DZIP1L: variants seen among roughly 807,000 people sequenced by gnomAD.
The protein encoded by DZIP1L is DAZ interacting zinc finger protein 1 like.
DZIP1L carries 90 observed loss-of-function variants against 88.7 expected under a neutral mutation model. That is an observed-to-expected ratio of 1.02 (90% confidence interval 0.86 to 1.21). The LOEUF is 1.21. DZIP1L is among the 50% of genes most tolerant of loss of function. The probability of loss-of-function intolerance (pLI) is 0.00; values close to 1 mark genes in which losing one functional copy is unlikely to be tolerated. For synonymous variants in DZIP1L, 363 were observed against 372.1 expected (o/e 0.98, Z 0.28); for missense variants, 932 against 955.8 (o/e 0.98, Z 0.33).
intron 1 of DZIP1L, among the ~76,000 whole-genome samples, chr3:138,113,939 TTGAC>T: frequency 6.6e-6 from 1 of 152,362 alleles, no homozygotes. Context: ...GGGTAGGTAT[TTGAC>T]TGATGTCTCT....
Position 138,103,925 on chromosome 3 carries a change from A to C in DZIP1L, c.47T>G (p.Phe16Cys). 6.2e-7 allele frequency: 1 copy of C among 1,613,480 alleles called. No individual in the cohort carries two copies. Among genetic ancestry groups the C allele is most frequent in the Non-Finnish European group, 8.5e-7 (1 of 1,180,014 alleles). The part of the protein sequence containing the change: ...ATAEGLSGPL[F>C]GAYTFPTFKF... ...GAAGGTGGGGAACGTGTAGGCCCCA[A>C]AGAGGGGGCCACTGAGGCCCTCAGC... The change falls in exon 2 of 16, where the codon TTT becomes TGT. Residue 16 changes from phenylalanine (F) to cysteine (C), a missense_variant. Phe to Cys is a radical substitution (Grantham distance 205). Coordinates refer to ENST00000327532, the MANE Select transcript of DZIP1L (RefSeq NM_173543.3).
rs746599482 is a variant in DZIP1L at position 138,071,803 on chromosome 3, T to C, written c.1455A>G (p.Arg485=). The C allele has an allele frequency of 6.2e-7, 1 of 1,614,020 alleles. No homozygotes were observed. The highest frequency in any genetic ancestry group is 1.1e-5 in the South Asian group (1 of 91,074). Residue 485 remains arginine, a synonymous_variant, in exon 12 of 16, where the codon AGA becomes AGG. Coordinates refer to ENST00000327532, the MANE Select transcript of DZIP1L (RefSeq NM_173543.3). ...GGACTCTCAGCAGGGATTCCAGGTGTCTGAGAGTCTGAATCGAGATTCCCT... is the reference window on the plus strand; with the variant it reads ...GGACTCTCAGCAGGGATTCCAGGTGCCTGAGAGTCTGAATCGAGATTCCCT... ...DAKGISIQTL[R]HLESLLRVQR...
chr3:138,098,425 G>A (rs1944575635), intron 2 of DZIP1L, among the ~76,000 whole-genome samples: 1 of 152,174 alleles, frequency 6.6e-6, no homozygotes, highest in African/African-American at 2.4e-5. Flanking sequence ...AGGCAGAGAG[G>A]TTAGCAAATA....
intron 4 of DZIP1L, among the ~76,000 whole-genome samples, chr3:138,092,896 G>A (rs1011695559): frequency 6.6e-6 from 1 of 152,208 alleles, no homozygotes; most frequent in African/African-American, 2.4e-5. Flanking sequence ...CACATCTGCA[G>A]TGGCTTCCTC....
intron 4 of DZIP1L, among the ~76,000 whole-genome samples, chr3:138,094,229 A>T (rs1944364337): frequency 6.6e-6 from 1 of 152,256 alleles, no homozygotes; most frequent in Non-Finnish European, 1.5e-5. Context: ...AATTACCAAA[A>T]TGTGATACAT....
At chr3:138,101,832 C>T in intron 2 of DZIP1L, 1 of 1,269,320 alleles carries the variant, frequency 7.9e-7, no homozygotes, top group Non-Finnish European at 1.2e-6. Flanking sequence ...GCTGCCGCTC[C>T]ATGTCCTGCT....
chr3:138,111,378 A>T (rs1437700485), intron 1 of DZIP1L, among the ~76,000 whole-genome samples: 2 of 152,150 alleles, frequency 1.3e-5, no homozygotes, highest in African/African-American at 4.8e-5. Flanking sequence ...CCAGAGTTTA[A>T]TCCCATGGGC....
intron 12 of DZIP1L, 144 bp from the exon 13 acceptor site, chr3:138,068,511 T>C: frequency 3.5e-6 from 2 of 574,122 alleles, no homozygotes; most frequent in Non-Finnish European, 5.5e-6. Flanking sequence ...ATTTCATGAC[T>C]GTTGCCAAAT....
At chr3:138,097,181 CAA>C (rs71304267) in intron 3 of DZIP1L, among the ~76,000 whole-genome samples, 17 of 103,286 alleles carry the variant, frequency 1.6e-4, no homozygotes, top group Non-Finnish European at 1.2e-4. Context: ...GACCCTGTCT[CAA>C]AAAAAAAAAA....
chr3:138,102,802 GAGA>G, intron 2 of DZIP1L: 1 of 746,104 alleles, frequency 1.3e-6, no homozygotes, highest in Non-Finnish European at 2.5e-6. Context: ...GCCCACTCAG[GAGA>G]AGCTCAAGGA....
At chr3:138,103,418 G>C in intron 2 of DZIP1L, 53 bp downstream of exon 2, 1 of 1,543,522 alleles carries the variant, frequency 6.5e-7, no homozygotes, top group Non-Finnish European at 8.7e-7. Context: ...AGTTGCCCCA[G>C]TGGCTGGGGC....
At chr3:138,108,085 G>A (rs1275561327) in intron 1 of DZIP1L, 6 of 402,720 alleles carry the variant, frequency 1.5e-5, no homozygotes, top group South Asian at 2.0e-4. Flanking sequence ...CCAGGTTCAC[G>A]TCATTCTCCT....
Position 138,062,467 on chromosome 3 carries a change from G to A in DZIP1L, c.*349C>T, listed in dbSNP as rs1277969857. 4.9e-6 allele frequency: 1 copy of A among 205,828 alleles called. No individual in the cohort carries two copies. The highest frequency in any genetic ancestry group is 2.3e-5 in the African/African-American group (1 of 44,102). The allele number at this position is 205,828 out of a possible 1,614,324, so 12.8% of individuals were successfully genotyped here. On this transcript the variant is annotated 3_prime_UTR_variant, in exon 16 of 16. Transcript: ENST00000327532. ...ACCCCAGATAGGAACCATCTCCACA[G>A]TGTTCCTGCAGTTTTATAAAAGGCT...
chr3:138,109,234 T>A (rs1267682114), intron 1 of DZIP1L, among the ~76,000 whole-genome samples: 1 of 152,246 alleles, frequency 6.6e-6, no homozygotes, highest in African/African-American at 2.4e-5. Flanking sequence ...ATTTTATGTA[T>A]AGACACTGTT....
At chr3:138,067,813 C>T in intron 13 of DZIP1L, 113 bp from the exon 14 acceptor site, 6 of 1,253,642 alleles carry the variant, frequency 4.8e-6, no homozygotes, top group Non-Finnish European at 6.3e-6. Context: ...AGCCCTGCTC[C>T]CTCCCTCAGG....
At chr3:138,085,382 T>C (rs1256410748) in intron 7 of DZIP1L, among the ~76,000 whole-genome samples, 2 of 152,136 alleles carry the variant, frequency 1.3e-5, no homozygotes, top group Admixed American at 1.3e-4. Flanking sequence ...ATATCTGGAA[T>C]CTACAATGAA....
intron 1 of DZIP1L, chr3:138,112,214 G>C (rs956805939): frequency 6.6e-6 from 1 of 152,138 alleles, no homozygotes; most frequent in African/African-American, 2.4e-5. Context: ...GAGAAGCTAA[G>C]ATCCCTGCTC....
intron 2 of DZIP1L, among the ~76,000 whole-genome samples, chr3:138,098,603 G>A (rs976084295): frequency 2.6e-5 from 4 of 152,162 alleles, no homozygotes; most frequent in African/African-American, 9.7e-5. Flanking sequence ...GCAGACAATT[G>A]TGACAGGAAT....
At position 138,068,300 on chromosome 3, in the gene DZIP1L, G is replaced by C; in HGVS notation, c.1683C>G (p.Ala561=). 1 of 1,595,104 alleles carries C rather than the reference G, an allele frequency of 6.3e-7. No individual in the cohort carries two copies. Among genetic ancestry groups the C allele is most frequent in the Non-Finnish European group, 8.5e-7 (1 of 1,169,770 alleles). Residue 561 remains alanine (A), a synonymous_variant, in exon 13 of 16, where the codon GCC becomes GCG. Coordinates refer to ENST00000327532, the MANE Select transcript of DZIP1L (RefSeq NM_173543.3). ...AQPKTRTLQV[A]LPSTPAEPPP... Reference sequence around the variant, plus strand: ...GTGGCTCTGCCGGTGTGGATGGCAAGGCCACCTGCAGGGTCCTGGTCTTTG... The same window carrying C: ...GTGGCTCTGCCGGTGTGGATGGCAACGCCACCTGCAGGGTCCTGGTCTTTG...
Sources: gnomAD v4.1 joint callset for allele counts (sites outside exome capture counted in the v4.1 genomes callset) on GRCh38, gnomAD v4.1.1 for gene constraint, MANE v1.5 for transcripts, NCBI Gene and HGNC (gene_info 2026-07-23, HGNC 2026-07-21) for gene names.